DPP10: variants seen among roughly 807,000 people sequenced by gnomAD.
The protein encoded by DPP10 is dipeptidyl peptidase like 10.
Under a neutral mutation model 120.9 loss-of-function variants are expected in DPP10, and 33 were observed. The ratio of observed to expected loss-of-function variants is 0.27; its 90% CI spans 0.21 to 0.37. The LOEUF is 0.37. Among genes scored for constraint, DPP10 ranks in the 10% least tolerant of loss-of-function variants. The probability of loss-of-function intolerance (pLI) is 1.00; values close to 1 mark genes in which losing one functional copy is unlikely to be tolerated. For synonymous variants in DPP10, 337 were observed against 326.1 expected, an observed-to-expected ratio of 1.03 and a Z score of -0.36; for missense variants, 816 against 942.8, an observed-to-expected ratio of 0.87 and a Z score of 1.76.
At chr2:115,245,193 A>G (rs2058477876) in intron 1 of DPP10, among the ~76,000 whole-genome samples, 1 of 152,018 alleles carries the variant, frequency 6.6e-6, no homozygotes, top group South Asian at 2.1e-4. Flanking sequence ...TTTATGGCTG[A>G]GTGGTATTCT....
At chr2:114,850,956 T>C (rs2106486384) in intron 1 of DPP10, among the ~76,000 whole-genome samples, 1 of 152,260 alleles carries the variant, frequency 6.6e-6, no homozygotes, top group Middle Eastern at 3.4e-3. Flanking sequence ...GTTTAGAGTG[T>C]TTTGTAGGAA....
chr2:114,872,383 C>T (rs1338473415), intron 1 of DPP10, among the ~76,000 whole-genome samples: 1 of 152,120 alleles, frequency 6.6e-6, no homozygotes, highest in East Asian at 1.9e-4. Context: ...TCGAAATCAC[C>T]TCCCACAAGG....
Position 114,482,447 on chromosome 2 carries a change from A to G in DPP10, c.60+39609A>G, listed in dbSNP as rs559628312. ...TGAGAATCAAACGTATCAGTTATCT[A>G]TTGCTAAGTAACCACCTTAAATCTT... On this transcript the variant is annotated intron_variant, in intron 1 of 25. Transcript: ENST00000410059. 3.4e-3 allele frequency among the ~76,000 whole-genome samples: 515 copies of G among 152,290 alleles called. 2 individuals carry two copies. The highest frequency in any genetic ancestry group is 0.012 in the African/African-American group (486 of 41,562).
intron 3 of DPP10, chr2:115,468,853 C>T (rs1370839280): frequency 1.4e-5 from 6 of 414,228 alleles, no homozygotes; most frequent in Admixed American, 5.4e-5. Flanking sequence ...AAGACTGGAG[C>T]ACTCAAGACT....
chr2:115,206,089 G>T (rs2056103932), intron 1 of DPP10, among the ~76,000 whole-genome samples: 1 of 152,152 alleles, frequency 6.6e-6, no homozygotes, highest in Admixed American at 6.5e-5. Context: ...TCACTTCAGG[G>T]AAGCTTTCTT....
chr2:115,563,048 G>A (rs906690982), intron 5 of DPP10, among the ~76,000 whole-genome samples: 1 of 152,198 alleles, frequency 6.6e-6, no homozygotes, highest in Non-Finnish European at 1.5e-5. Flanking sequence ...TAATTCATGG[G>A]TATGTATCAG....
intron 1 of DPP10, among the ~76,000 whole-genome samples, chr2:114,493,515 T>C (rs1682187209): frequency 6.6e-6 from 1 of 152,094 alleles, no homozygotes; most frequent in Admixed American, 6.6e-5. Context: ...ATAAGGGTAC[T>C]TGCTCGAATC....
At chr2:114,551,339 A>G (rs1367508001) in intron 1 of DPP10, among the ~76,000 whole-genome samples, 1 of 152,128 alleles carries the variant, frequency 6.6e-6, no homozygotes, top group East Asian at 1.9e-4. Flanking sequence ...CTGTGGATTT[A>G]TGTCTCTTAT....
At position 115,588,555 on chromosome 2, in the gene DPP10, G is replaced by T. The variant is rs145100290; in HGVS notation, c.441+62583G>T. The stretch of plus-strand genomic sequence containing the variant: ...GTGAAGCTCAAATACAGCAAGAGTC[G>T]CACATAGCTGCATACCTGGGGCATG... On this transcript the variant is annotated intron_variant, in intron 5 of 25. Coordinates refer to ENST00000410059, the MANE Select transcript of DPP10 (RefSeq NM_020868.6). Among the ~76,000 whole-genome samples, 229 of 152,260 alleles carry T rather than the reference G, an allele frequency of 1.5e-3. 1 individual carries two copies. Among genetic ancestry groups the T allele is most frequent in the African/African-American group, 4.8e-3 (199 of 41,542 alleles).
At position 114,926,855 on chromosome 2, in the gene DPP10, T is replaced by TC. The variant is rs1195471183; in HGVS notation, c.61-382384_61-382383insC. ...TGAGCTTGGGGGAAGATACAATTTT[T>TC]TTTTTTTTTTTTTGAGACAGAGTCT... On this transcript the variant is annotated intron_variant, in intron 1 of 25. Coordinates refer to ENST00000410059, the MANE Select transcript of DPP10 (RefSeq NM_020868.6). Among the ~76,000 whole-genome samples, 868 of 150,198 alleles carry TC rather than the reference T, an allele frequency of 5.8e-3. 6 individuals are homozygous for TC. Among genetic ancestry groups the TC allele is most frequent in the Non-Finnish European group, 8.7e-3 (589 of 67,450 alleles).
intron 5 of DPP10, among the ~76,000 whole-genome samples, chr2:115,536,313 C>G (rs2078834627): frequency 6.6e-6 from 1 of 151,794 alleles, no homozygotes; most frequent in Admixed American, 6.6e-5. Context: ...GAACATTGTT[C>G]CTTGTCTTAA....
chr2:114,798,343 G>A (rs1275297674), intron 1 of DPP10, among the ~76,000 whole-genome samples: 1 of 152,144 alleles, frequency 6.6e-6, no homozygotes, highest in African/African-American at 2.4e-5. Context: ...AAATCAGAAG[G>A]TGGTATACTA....
intron 2 of DPP10, among the ~76,000 whole-genome samples, chr2:115,327,057 C>T (rs867716056): frequency 5.3e-5 from 8 of 152,102 alleles, no homozygotes; most frequent in Admixed American, 6.6e-5. Context: ...GTGCCCTATC[C>T]AGGTGTACCA....
intron 1 of DPP10, among the ~76,000 whole-genome samples, chr2:115,265,922 C>T (rs1466246067): frequency 1.4e-5 from 2 of 140,488 alleles, no homozygotes; most frequent in East Asian, 4.1e-4. Context: ...CCAGCCTGAG[C>T]GATGGAGCGA....
intron 3 of DPP10, among the ~76,000 whole-genome samples, chr2:115,403,776 A>T (rs2068293199): frequency 6.6e-6 from 1 of 152,166 alleles, no homozygotes; most frequent in African/African-American, 2.4e-5. Flanking sequence ...AATAAAAGGC[A>T]TACTAATAGG....
chr2:114,769,749 C>T (rs998180079), intron 1 of DPP10, among the ~76,000 whole-genome samples: 5 of 152,070 alleles, frequency 3.3e-5, no homozygotes, highest in East Asian at 1.9e-4. Flanking sequence ...TATACATATA[C>T]GTCCAGGCAT....
At chr2:114,932,877 C>T (rs1356210439) in intron 1 of DPP10, among the ~76,000 whole-genome samples, 1 of 152,152 alleles carries the variant, frequency 6.6e-6, no homozygotes, top group Non-Finnish European at 1.5e-5. Context: ...AAGTATGCCT[C>T]ACTCCTACTA....
At chr2:115,150,592 T>C (rs1573793375) in intron 1 of DPP10, among the ~76,000 whole-genome samples, 1 of 152,344 alleles carries the variant, frequency 6.6e-6, no homozygotes, top group East Asian at 1.9e-4. Flanking sequence ...GTAGATAATA[T>C]AGCTGTTATG....
intron 5 of DPP10, among the ~76,000 whole-genome samples, chr2:115,542,381 A>C (rs969128724): frequency 3.9e-5 from 6 of 151,944 alleles, no homozygotes; most frequent in Admixed American, 2.6e-4. Flanking sequence ...TAATGCCCTT[A>C]AGTTCCATCC....
Sources: allele counts gnomAD v4.1 joint callset (sites outside exome capture counted in the v4.1 genomes callset), GRCh38; gene constraint gnomAD v4.1.1; transcripts MANE v1.5; gene names NCBI Gene and HGNC (gene_info 2026-07-23, HGNC 2026-07-21).